The following RSPH14 variants were observed in gnomAD, a reference collection of about 807,000 sequenced individuals.
The protein encoded by RSPH14 is radial spoke head 14 homolog, also known as rhabdoid tumor deletion region gene 1.
A neutral mutation model predicts 26.7 loss-of-function variants in RSPH14; 20 were observed. That is an observed-to-expected ratio of 0.75 (90% CI 0.53 to 1.09). The LOEUF (loss-of-function observed/expected upper bound fraction) is 1.09, where lower values mean the gene tolerates loss of function less well. RSPH14 is among the 50% of genes least tolerant of loss of function. The pLI is 0.00. For synonymous variants in RSPH14, 177 were observed against 189.3 expected, an observed-to-expected ratio of 0.93 and a Z score of 0.53; for missense variants, 449 against 457.2, an observed-to-expected ratio of 0.98 and a Z score of 0.16.
chr22:23,072,308 G>A (rs915805261), intron 4 of RSPH14, among the ~76,000 whole-genome samples: 16 of 152,132 alleles, frequency 1.1e-4, no homozygotes, highest in Non-Finnish European at 1.9e-4. Context: ...GTGCAGTGGG[G>A]GTGTGGATGG....
chr22:23,097,814 C>G (rs1480448995), intron 4 of RSPH14, among the ~76,000 whole-genome samples: 1 of 152,244 alleles, frequency 6.6e-6, no homozygotes, highest in Non-Finnish European at 1.5e-5. Context: ...TCAGGCCAGA[C>G]CCTTGGGACA....
In RSPH14 at chr22:23,106,272, G is replaced by C. The variant is rs931954521; in HGVS notation, c.421+27754C>G. On this transcript the variant is annotated intron_variant, in intron 4 of 6. Coordinates refer to ENST00000216036, the MANE Select transcript of RSPH14 (RefSeq NM_014433.3). The stretch of plus-strand genomic sequence containing the variant: ...CAAAACAGAGTGACATGAGGGTAAG[G>C]GGGGTGGCGCCTTGGGCCTGTGCTG... Among the ~76,000 whole-genome samples the C allele has an allele frequency of 3.9e-5, 6 of 152,358 alleles. No homozygotes were observed. The East Asian group carries it at 1.2e-3, about 29-fold the overall frequency.
chr22:23,160,281 TAACAGTGA>T, the RSPH14 span, among the ~76,000 whole-genome samples: 1 of 152,062 alleles, frequency 6.6e-6, no homozygotes, highest in African/African-American at 2.4e-5. Flanking sequence ...CTTATCAGAG[TAACAGTGA>T]GTTCACCGAC....
At chr22:23,125,227 A>G (rs2070150461) in intron 4 of RSPH14, among the ~76,000 whole-genome samples, 1 of 152,142 alleles carries the variant, frequency 6.6e-6, no homozygotes, top group Admixed American at 6.5e-5. Context: ...AAGAAACTGC[A>G]AAGAGGGGAA....
chr22:23,120,711 G>A lies in RSPH14; in HGVS notation c.421+13315C>T, dbSNP rs568497979. ...CATACCCTGCTGGTGGCCAGATCAC[G>A]CCCTTCCCAACCCCGGAGGAAGCCC... On this transcript the variant is annotated intron_variant, in intron 4 of 6. Coordinates refer to ENST00000216036, the MANE Select transcript of RSPH14 (RefSeq NM_014433.3). Among the ~76,000 whole-genome samples the A allele has an allele frequency of 9.5e-4, 144 of 151,926 alleles. 2 individuals carry two copies. The Middle Eastern group carries it at 0.027, about 29-fold the overall frequency.
the RSPH14 span, among the ~76,000 whole-genome samples, chr22:23,167,540 G>A: frequency 9.7e-4 from 148 of 152,262 alleles, 3 homozygotes; most frequent in East Asian, 0.027. Flanking sequence ...TCAGCCTGGG[G>A]GATGGGATGG....
At chr22:23,083,783 C>T (rs1298648173) in intron 4 of RSPH14, among the ~76,000 whole-genome samples, 1 of 152,188 alleles carries the variant, frequency 6.6e-6, no homozygotes, top group Admixed American at 6.5e-5. Flanking sequence ...AAGTCCAGTC[C>T]CACTGCCGAA....
At chr22:23,107,242 C>T (rs1445056689) in intron 4 of RSPH14, among the ~76,000 whole-genome samples, 2 of 152,280 alleles carry the variant, frequency 1.3e-5, no homozygotes, top group East Asian at 3.9e-4. Flanking sequence ...CTGGACTCGG[C>T]TGGAACACAC....
intron 4 of RSPH14, chr22:23,070,269 C>G (rs1282138675): frequency 6.8e-6 from 1 of 147,260 alleles, no homozygotes; most frequent in East Asian, 2.0e-4. Context: ...CCCCCCCGCC[C>G]GCGGTTGGCC....
chr22:23,087,636 G>A (rs1240761305), intron 4 of RSPH14, among the ~76,000 whole-genome samples: 1 of 152,228 alleles, frequency 6.6e-6, no homozygotes, highest in Non-Finnish European at 1.5e-5. Flanking sequence ...AGGAAGCAAA[G>A]TTTTTAAGGA....
chr22:23,146,112 C>A (rs2070756407), upstream of RSPH14: 3 of 776,906 alleles, frequency 3.9e-6, no homozygotes, highest in Non-Finnish European at 4.7e-6. Flanking sequence ...CAGGGTGGGG[C>A]AGGCCTGGTT....
chr22:23,126,179 A>G (rs760104277), intron 4 of RSPH14, among the ~76,000 whole-genome samples: 2 of 152,228 alleles, frequency 1.3e-5, no homozygotes, highest in African/African-American at 2.4e-5. Context: ...CTAAAAATAC[A>G]TGGCTAAAGG....
At chr22:23,153,602 C>CA in the RSPH14 span, 1 of 985,092 alleles carries the variant, frequency 1.0e-6, no homozygotes, top group Non-Finnish European at 1.2e-6. Flanking sequence ...ACAGCACCCA[C>CA]ATCCTTCCTC....
At chr22:23,081,542 T>C (rs966678403) in intron 4 of RSPH14, among the ~76,000 whole-genome samples, 10 of 151,948 alleles carry the variant, frequency 6.6e-5, no homozygotes, top group Non-Finnish European at 1.5e-4. Context: ...CAATATGTTA[T>C]AGGCCAATCA....
intron 4 of RSPH14, among the ~76,000 whole-genome samples, chr22:23,080,432 A>G (rs2068644104): frequency 6.6e-6 from 1 of 152,222 alleles, no homozygotes; most frequent in Admixed American, 6.5e-5. Flanking sequence ...GCCGGGGCAT[A>G]GCCTGGGGTT....
chr22:23,084,054 A>G (rs1186077582), intron 4 of RSPH14, among the ~76,000 whole-genome samples: 1 of 152,142 alleles, frequency 6.6e-6, no homozygotes, highest in Non-Finnish European at 1.5e-5. Context: ...GGGGTGAGCT[A>G]TGCAGGCGAT....
At chr22:23,102,118 C>G (rs555173469) in intron 4 of RSPH14, among the ~76,000 whole-genome samples, 8 of 152,350 alleles carry the variant, frequency 5.3e-5, no homozygotes, top group African/African-American at 1.9e-4. Context: ...ACCGGCTCCC[C>G]GCATCCAAGT....
At chr22:23,110,422 C>G (rs950473468) in intron 4 of RSPH14, among the ~76,000 whole-genome samples, 5 of 152,218 alleles carry the variant, frequency 3.3e-5, no homozygotes, top group Admixed American at 2.6e-4. Context: ...GGAGGCCCAC[C>G]CCACCCATGG....
the RSPH14 span, chr22:23,162,429 G>T: frequency 4.3e-4 from 154 of 356,388 alleles, no homozygotes; most frequent in Middle Eastern, 6.0e-3. Context: ...CTGGGCCTGT[G>T]CCCACTGCTG....
Sources: gnomAD v4.1 joint callset for allele counts (sites outside exome capture counted in the v4.1 genomes callset) on GRCh38, gnomAD v4.1.1 for gene constraint, MANE v1.5 for transcripts, NCBI Gene and HGNC (gene_info 2026-07-23, HGNC 2026-07-21) for gene names.